The following PIWIL2 variants were observed in gnomAD, a reference collection of about 807,000 sequenced individuals.
The protein encoded by PIWIL2 is piwi-like protein 2.
Under a neutral mutation model 116.5 loss-of-function variants are expected in PIWIL2, and 81 were observed. The observed-to-expected ratio is 0.70, with a 90% CI of 0.58 to 0.84. The LOEUF (loss-of-function observed/expected upper bound fraction) is 0.84, where lower values mean the gene tolerates loss of function less well. Ranked by LOEUF, PIWIL2 falls within the 40% of genes least tolerant of loss-of-function variation. The pLI, the probability that PIWIL2 is intolerant of heterozygous loss-of-function variation, is 0.00. For missense variants in PIWIL2, 1,272 were observed against 1,212.3 expected, an observed-to-expected ratio of 1.05 and a Z score of -0.73; for synonymous variants, 489 against 429.5, an observed-to-expected ratio of 1.14 and a Z score of -1.71.
rs149330096 is a variant in PIWIL2, at chr8:22,316,296, A to G, written c.2260A>G (p.Met754Val). 1.7e-5 allele frequency: 28 copies of G among 1,613,204 alleles called. No homozygotes were observed. In the African/African-American group the frequency reaches 3.2e-4, roughly 18 times the overall value. ...MDVYHDPSRG[M>V]RSVVGFVASI... ...TGTTTACCATGACCCCAGTAGAGGC[A>G]TGCGCTCCGTGGTTGGCTTCGTGGC... is the stretch of plus-strand genomic sequence containing the variant. Residue 754 changes from methionine to valine, a missense_variant, in exon 19 of 23, where the codon ATG (methionine) becomes GTG (valine). Coordinates refer to ENST00000356766, the MANE Select transcript of PIWIL2 (RefSeq NM_018068.5).
At chr8:22,333,120 C>T (rs917634517) in intron 20 of PIWIL2, among the ~76,000 whole-genome samples, 1 of 151,992 alleles carries the variant, frequency 6.6e-6, no homozygotes, top group Non-Finnish European at 1.5e-5. Context: ...CTTTGATATG[C>T]TATAGATGTT....
intron 20 of PIWIL2, among the ~76,000 whole-genome samples, chr8:22,325,481 CTTTTTTTTTT>C (rs749493740): frequency 2.1e-5 from 2 of 95,042 alleles, no homozygotes; most frequent in African/African-American, 7.9e-5. Flanking sequence ...TTGATTTAGT[CTTTTTTTTTT>C]TTTTTTTTTT....
intron 1 of PIWIL2, 42 bp from the exon 2 acceptor site, chr8:22,279,299 G>A: frequency 9.1e-7 from 1 of 1,097,228 alleles, no homozygotes; most frequent in Admixed American, 1.7e-5. Context: ...TGAAGGAAAA[G>A]GAAAACAATT....
chr8:22,306,571 A>G (rs761485976), intron 13 of PIWIL2, among the ~76,000 whole-genome samples: 1 of 152,128 alleles, frequency 6.6e-6, no homozygotes, highest in Non-Finnish European at 1.5e-5. Context: ...GCGTGAGTCC[A>G]GACCCCAGAG....
intron 20 of PIWIL2, among the ~76,000 whole-genome samples, chr8:22,319,358 A>G (rs1351137034): frequency 2.6e-5 from 4 of 152,174 alleles, no homozygotes; most frequent in African/African-American, 2.4e-5. Flanking sequence ...CTGAGTCACC[A>G]AGTTCTACCA....
chr8:22,346,054 G>A (rs917443966), intron 20 of PIWIL2, among the ~76,000 whole-genome samples: 2 of 152,034 alleles, frequency 1.3e-5, no homozygotes, highest in African/African-American at 4.8e-5. Context: ...CCATTTAATT[G>A]TATAGTTTAA....
At chr8:22,319,912 C>A (rs549537526) in intron 20 of PIWIL2, among the ~76,000 whole-genome samples, 1 of 152,314 alleles carries the variant, frequency 6.6e-6, no homozygotes, top group East Asian at 1.9e-4. Flanking sequence ...ACCTTCTAAT[C>A]CAAGGGTGGC....
In PIWIL2 at chr8:22,283,046, A is replaced by G. The variant is rs757457908; in HGVS notation, c.438A>G (p.Arg146=). 4.3e-6 allele frequency: 7 copies of G among 1,613,896 alleles called. No homozygotes were observed. The highest frequency in any genetic ancestry group is 5.9e-6 in the Non-Finnish European group (7 of 1,179,882). ...CTCCACATTTCAGGACGCTTGGAAG[A>G]GGGAGTTCAGATGCGTCTTTATTAC... ...TSVGWSRTLG[R]GSSDASLLPL... The change falls in exon 5 of 23, where the codon AGA becomes AGG. Residue 146 remains arginine (R), a synonymous_variant. Transcript: ENST00000356766.
At chr8:22,292,978 C>A (rs1224710653) in intron 10 of PIWIL2, among the ~76,000 whole-genome samples, 1 of 152,180 alleles carries the variant, frequency 6.6e-6, no homozygotes, top group African/African-American at 2.4e-5. Flanking sequence ...AAGCCAATAG[C>A]CTCCTGTAAG....
At chr8:22,304,689 A>G (rs1831133111) in intron 11 of PIWIL2, 95 bp from the exon 12 acceptor site, 4 of 690,664 alleles carry the variant, frequency 5.8e-6, no homozygotes, top group Non-Finnish European at 7.9e-6. Flanking sequence ...TATGCAAATT[A>G]TATACCTCAG....
intron 17 of PIWIL2, 27 bp downstream of exon 17, chr8:22,314,456 C>G: frequency 8.1e-7 from 1 of 1,227,912 alleles, no homozygotes; most frequent in Non-Finnish European, 1.1e-6. Flanking sequence ...GCAGGAGGCG[C>G]AGATGGCACC....
Position 22,289,872 on chromosome 8 carries a change from C to A in PIWIL2, c.1012C>A (p.Leu338Ile). The part of the protein sequence containing the change: ...RRVMKLLDMK[L>I]VGRNFYDPTS... Reference sequence around the variant, plus strand: ...GGTAATGAAACTTTTAGATATGAAGCTTGTGGGGAGAAACTTTTATGACCC... The same window carrying A: ...GGTAATGAAACTTTTAGATATGAAGATTGTGGGGAGAAACTTTTATGACCC... Residue 338 changes from leucine (L) to isoleucine (I), a missense_variant, in exon 9 of 23, where the codon CTT (leucine) becomes ATT (isoleucine). Transcript: ENST00000356766. 6.2e-7 allele frequency: 1 copy of A among 1,610,526 alleles called. No individual in the cohort carries two copies. Among genetic ancestry groups the A allele is most frequent in the Non-Finnish European group, 8.5e-7 (1 of 1,176,810 alleles).
intron 10 of PIWIL2, among the ~76,000 whole-genome samples, chr8:22,293,150 A>C (rs1386291356): frequency 6.6e-6 from 1 of 152,012 alleles, no homozygotes; most frequent in Non-Finnish European, 1.5e-5. Context: ...TCTGCTTAGA[A>C]AGGTCTGCTT....
chr8:22,354,629 A>T (rs181388161), intron 22 of PIWIL2, among the ~76,000 whole-genome samples: 2 of 152,330 alleles, frequency 1.3e-5, no homozygotes, highest in Admixed American at 1.3e-4. Flanking sequence ...GTATTTTTTA[A>T]ATCTGTTCCA....
At chr8:22,293,603 G>T (rs1176158220) in intron 10 of PIWIL2, among the ~76,000 whole-genome samples, 1 of 152,194 alleles carries the variant, frequency 6.6e-6, no homozygotes, top group African/African-American at 2.4e-5. Context: ...GGGATTACAG[G>T]CATGAACCAC....
rs1397619895 is a variant in PIWIL2 at position 22,315,021 on chromosome 8, C to T, written c.2092-8C>T. 10 of 1,573,964 alleles carry T rather than the reference C, an allele frequency of 6.4e-6. No individual in the cohort carries two copies. The highest frequency in any genetic ancestry group is 8.7e-6 in the Non-Finnish European group (10 of 1,143,522). On this transcript the variant is annotated splice_polypyrimidine_tract_variant and splice_region_variant and intron_variant, in intron 17 of 22. Coordinates refer to ENST00000356766, the MANE Select transcript of PIWIL2 (RefSeq NM_018068.5). Reference sequence around the variant, plus strand: ...TTCTCCTGACACCTTTTGGTCCCTTCATTATAGGTTGTCAATGTTCGAACC... The same window carrying T: ...TTCTCCTGACACCTTTTGGTCCCTTTATTATAGGTTGTCAATGTTCGAACC...
At chr8:22,299,213 T>C (rs1337972521) in intron 10 of PIWIL2, among the ~76,000 whole-genome samples, 1 of 152,028 alleles carries the variant, frequency 6.6e-6, no homozygotes, top group African/African-American at 2.4e-5. Flanking sequence ...TTTTTCTTTT[T>C]TTTCTTTTTT....
rs959094040 is a variant in PIWIL2 at position 22,279,450 on chromosome 8, G to A, written c.64G>A (p.Val22Ile). The A allele has an allele frequency of 2.5e-6, 4 of 1,614,080 alleles. No homozygotes were observed. The highest frequency in any genetic ancestry group is 3.4e-6 in the Non-Finnish European group (4 of 1,179,942). The change falls in exon 2 of 23, where the codon GTA becomes ATA. Residue 22 changes from valine (V) to isoleucine (I), a missense_variant. Physicochemically the swap from Val to Ile is conservative, Grantham distance 29 (BLOSUM62 3). Transcript: ENST00000356766. ...SPIHPSQCQA[V>I]RMPGCWPQAS... Reference sequence around the variant, plus strand: ...TATCCACCCATCCCAGTGCCAGGCTGTACGGATGCCAGGCTGTTGGCCACA... The same window carrying A: ...TATCCACCCATCCCAGTGCCAGGCTATACGGATGCCAGGCTGTTGGCCACA...
intron 11 of PIWIL2, 51 bp downstream of exon 11, chr8:22,304,260 C>A: frequency 8.5e-7 from 1 of 1,176,020 alleles, no homozygotes; most frequent in Non-Finnish European, 1.2e-6. Flanking sequence ...TGGATGTAGT[C>A]CACGTTCTCC....
Sources: gnomAD v4.1 joint callset for allele counts (sites outside exome capture counted in the v4.1 genomes callset) on GRCh38, gnomAD v4.1.1 for gene constraint, MANE v1.5 for transcripts, NCBI Gene and HGNC (gene_info 2026-07-23, HGNC 2026-07-21) for gene names.